The following DAB1 variants were observed in gnomAD, a reference collection of about 807,000 sequenced individuals.
DAB1 encodes the protein disabled homolog 1.
Under a neutral mutation model 64.6 loss-of-function variants are expected in DAB1, and 15 were observed. The ratio of observed to expected loss-of-function variants is 0.23; its 90% CI spans 0.16 to 0.36. The LOEUF is 0.36. Among genes scored for constraint, DAB1 ranks in the 10% least tolerant of loss-of-function variants. DAB1 has a pLI of 1.00. For synonymous variants in DAB1, 235 were observed against 251.9 expected (o/e 0.93, Z 0.64); for missense variants, 596 against 706.7 (o/e 0.84, Z 1.78).
chr1:57,857,601 G>A (rs1653809591), intron 1 of DAB1, among the ~76,000 whole-genome samples: 1 of 152,142 alleles, frequency 6.6e-6, no homozygotes, highest in Non-Finnish European at 1.5e-5. Context: ...TAGACATTAA[G>A]CAATTTGTCA....
chr1:57,818,147 T>C (rs1188783818), intron 6 of DAB1, among the ~76,000 whole-genome samples: 1 of 152,186 alleles, frequency 6.6e-6, no homozygotes, highest in East Asian at 1.9e-4. Context: ...TAGATAATAC[T>C]ATAGAGTGTG....
chr1:57,268,264 G>A (rs1466589358), intron 2 of DAB1, among the ~76,000 whole-genome samples: 1 of 152,166 alleles, frequency 6.6e-6, no homozygotes, highest in East Asian at 1.9e-4. Flanking sequence ...GGAAGAGAAA[G>A]AAATAGCGAC....
At chr1:58,163,189 A>G (rs1406063415) in intron 4 of DAB1, among the ~76,000 whole-genome samples, 1 of 152,224 alleles carries the variant, frequency 6.6e-6, no homozygotes, top group African/African-American at 2.4e-5. Context: ...AGAGGGAGCC[A>G]GTGGACAAAG....
intron 2 of DAB1, among the ~76,000 whole-genome samples, chr1:57,249,382 T>C (rs1187465712): frequency 6.6e-6 from 1 of 152,202 alleles, no homozygotes; most frequent in East Asian, 1.9e-4. Flanking sequence ...TTTTGTTTAT[T>C]TGTTTTGAGA....
At chr1:57,601,675 G>T (rs1032291569) in intron 7 of DAB1, among the ~76,000 whole-genome samples, 1 of 152,136 alleles carries the variant, frequency 6.6e-6, no homozygotes, top group African/African-American at 2.4e-5. Context: ...GGTACTTTGG[G>T]AAAGTAAGAT....
intron 9 of DAB1, among the ~76,000 whole-genome samples, chr1:57,056,848 A>G (rs568510731): frequency 1.2e-4 from 19 of 152,240 alleles, no homozygotes; most frequent in Admixed American, 1.1e-3. Context: ...TGGGCAACAG[A>G]GCGAGACTCT....
chr1:58,494,413 T>C (rs1167500481), intron 3 of DAB1, among the ~76,000 whole-genome samples: 51 of 150,748 alleles, frequency 3.4e-4, no homozygotes, highest in Admixed American at 1.3e-3. Context: ...CCAAAATTGA[T>C]AAATGGGATC....
At chr1:58,063,971 T>C (rs1320974110) in intron 5 of DAB1, among the ~76,000 whole-genome samples, 1 of 152,202 alleles carries the variant, frequency 6.6e-6, no homozygotes, top group Non-Finnish European at 1.5e-5. Flanking sequence ...AAGTATTGCA[T>C]ACAGATGAGG....
At chr1:58,327,582 C>G (rs557447323) in intron 4 of DAB1, among the ~76,000 whole-genome samples, 1 of 152,258 alleles carries the variant, frequency 6.6e-6, no homozygotes, top group East Asian at 1.9e-4. Flanking sequence ...TGCTTCTCCC[C>G]CTATTTGTAA....
chr1:58,143,602 G>A (rs544160567), intron 5 of DAB1, among the ~76,000 whole-genome samples: 1 of 152,256 alleles, frequency 6.6e-6, no homozygotes, highest in African/African-American at 2.4e-5. Context: ...TGGCAGCAGA[G>A]ACAGGCAATA....
At chr1:58,032,004 G>A (rs1197635351) in intron 5 of DAB1, among the ~76,000 whole-genome samples, 1 of 58,122 alleles carries the variant, frequency 1.7e-5, no homozygotes, top group Non-Finnish European at 5.0e-5. Context: ...GTGTGTGTGT[G>A]TGTGTGTGTG....
At chr1:58,513,172 T>C (rs951879499) in intron 2 of DAB1, among the ~76,000 whole-genome samples, 3 of 152,162 alleles carry the variant, frequency 2.0e-5, no homozygotes, top group Admixed American at 2.0e-4. Context: ...GTTCTCGTGA[T>C]ACTGAGTGAG....
intron 5 of DAB1, among the ~76,000 whole-genome samples, chr1:57,928,386 C>A (rs1246963731): frequency 6.6e-6 from 1 of 151,896 alleles, no homozygotes; most frequent in African/African-American, 2.4e-5. Context: ...GTATAGCCAC[C>A]CCCATTATCA....
At chr1:57,053,688 A>ATTTTTTT (rs61374333) in intron 9 of DAB1, among the ~76,000 whole-genome samples, 4 of 71,402 alleles carry the variant, frequency 5.6e-5, no homozygotes, top group Non-Finnish European at 1.0e-4. Flanking sequence ...ATATATATAT[A>ATTTTTTT]TTTTTTTTTT....
In DAB1 at chr1:57,098,716, G is replaced by T. The variant is rs919850807; in HGVS notation, c.307-26302C>A. On this transcript the variant is annotated intron_variant, in intron 4 of 14. Coordinates refer to ENST00000371236, the MANE Select transcript of DAB1 (RefSeq NM_001365792.1). ...TAATTCTACCGGACTATGAAGCAAT[G>T]ATGGGGCCCATTTCGATAACCAAAA... is the stretch of plus-strand genomic sequence containing the variant. Among the ~76,000 whole-genome samples the T allele has an allele frequency of 9.2e-5, 14 of 152,296 alleles. No individual in the cohort carries two copies. In the South Asian group the frequency reaches 1.0e-3, roughly 11 times the overall value.
chr1:57,284,231 G>A (rs706385), intron 2 of DAB1, among the ~76,000 whole-genome samples: 64,738 of 151,908 alleles, frequency 0.43, 14,116 homozygotes, highest in Admixed American at 0.57. Context: ...TATTTTTTCA[G>A]GGAAAGACGA....
At chr1:57,121,691 G>C (rs911263273) in intron 4 of DAB1, among the ~76,000 whole-genome samples, 2 of 152,016 alleles carry the variant, frequency 1.3e-5, no homozygotes, top group African/African-American at 4.8e-5. Flanking sequence ...TACGGTTTTG[G>C]ATTTTACATT....
In DAB1 at chr1:57,146,238, G is replaced by A. The variant is rs187788159; in HGVS notation, c.68-809C>T. ...TTTCCATTTTCCAGATGATGAAGTC[G>A]AAGGTCACAGAGTTTAGGTAGCTTG... On this transcript the variant is annotated intron_variant, in intron 2 of 14. Coordinates refer to ENST00000371236, the MANE Select transcript of DAB1 (RefSeq NM_001365792.1). Among the ~76,000 whole-genome samples the A allele has an allele frequency of 1.2e-4, 19 of 152,250 alleles. 1 individual carries two copies. Among genetic ancestry groups the A allele is most frequent in the Admixed American group, 1.0e-3 (16 of 15,294 alleles).
At chr1:57,003,493 CT>C (rs539227603) in intron 14 of DAB1, among the ~76,000 whole-genome samples, 12,914 of 146,984 alleles carry the variant, frequency 0.088, 778 homozygotes, top group Non-Finnish European at 0.14. Context: ...GGACATACTG[CT>C]TTTTTTTTTT....
Sources: gnomAD v4.1 joint callset for allele counts (sites outside exome capture counted in the v4.1 genomes callset) on GRCh38, gnomAD v4.1.1 for gene constraint, MANE v1.5 for transcripts, NCBI Gene and HGNC (gene_info 2026-07-23, HGNC 2026-07-21) for gene names.